The following BRAF variants were observed in gnomAD, a reference collection of about 807,000 sequenced individuals.
The protein encoded by BRAF is B-Raf proto-oncogene, serine/threonine kinase, also known as serine/threonine-protein kinase B-raf.
A neutral mutation model predicts 104.6 loss-of-function variants in BRAF; 16 were observed. That is an observed-to-expected ratio of 0.15 (90% CI 0.10 to 0.23). BRAF has a LOEUF of 0.23. BRAF is among the 10% of genes least tolerant of loss of function. BRAF has a pLI of 1.00. For missense variants in BRAF, 541 were observed against 937.3 expected (o/e 0.58, Z 5.52); for synonymous variants, 310 against 341.6 (o/e 0.91, Z 1.02).
chr7:140,814,766 A>T (rs1367058885), intron 3 of BRAF, among the ~76,000 whole-genome samples: 2 of 138,784 alleles, frequency 1.4e-5, no homozygotes, highest in Non-Finnish European at 3.0e-5. Context: ...CATATATATT[A>T]TATATAACAT....
intron 2 of BRAF, among the ~76,000 whole-genome samples, chr7:140,845,765 TCTC>T (rs1389532326): frequency 6.6e-6 from 1 of 152,032 alleles, no homozygotes; most frequent in African/African-American, 2.4e-5. Context: ...TGCAACCTCT[TCTC>T]CTGGATTCAA....
At position 140,734,630 on chromosome 7, in the gene BRAF, C is replaced by T. The variant is rs2130867802; in HGVS notation, c.2388G>A (p.Gln796=). 6 of 1,613,738 alleles carry T rather than the reference C, an allele frequency of 3.7e-6. No individual in the cohort carries two copies. The highest frequency in any genetic ancestry group is 1.1e-5 in the South Asian group (1 of 91,060). The change falls in exon 19 of 20, where the codon CAG becomes CAA. Residue 796 remains glutamine (Q), a synonymous_variant. Transcript: ENST00000644969. Reference sequence around the variant, plus strand: ...CAGGAAACGCACCATATCCCCCTGCCTGGATGGGTGTTTTTGGAGAAGCAC... The same window carrying T: ...CAGGAAACGCACCATATCCCCCTGCTTGGATGGGTGTTTTTGGAGAAGCAC... The part of the protein sequence containing the change: ...YACASPKTPI[Q]AGGYGEFAAF...
chr7:140,767,085 C>G (rs1799403926), intron 14 of BRAF, among the ~76,000 whole-genome samples: 2 of 152,078 alleles, frequency 1.3e-5, no homozygotes, highest in South Asian at 4.1e-4. Flanking sequence ...CTCTCTGCAG[C>G]CTCATCTTCC....
intron 17 of BRAF, among the ~76,000 whole-genome samples, chr7:140,743,481 C>T (rs1797097255): frequency 6.6e-6 from 1 of 152,028 alleles, no homozygotes; most frequent in Non-Finnish European, 1.5e-5. Context: ...GAACAAAAAA[C>T]CAAACACCGC....
In BRAF at chr7:140,719,552, A is replaced by G; in HGVS notation, c.*6942T>C. 1 of 1,050,732 alleles carries G rather than the reference A, an allele frequency of 9.5e-7. No individual in the cohort carries two copies. Among genetic ancestry groups the G allele is most frequent in the African/African-American group, 1.6e-5 (1 of 60,634 alleles). The allele number at this position is 1,050,732 out of a possible 1,614,324, so 65.1% of individuals were successfully genotyped here. The stretch of plus-strand genomic sequence containing the variant: ...CAAATTTACATGAGAAAAACTCCAA[A>G]GTACAAATGAAGGGACCTGAGCAGG... On this transcript the variant is annotated 3_prime_UTR_variant, in exon 20 of 20. Coordinates refer to ENST00000644969, the MANE Select transcript of BRAF (RefSeq NM_001374258.1).
chr7:140,731,718 G>GT (rs1795978123), intron 19 of BRAF: 1 of 152,200 alleles, frequency 6.6e-6, no homozygotes, highest in Non-Finnish European at 1.5e-5. Context: ...AATGGCTAGT[G>GT]TAATACCTGA....
At chr7:140,839,886 T>C (rs2129066169) in intron 2 of BRAF, among the ~76,000 whole-genome samples, 2 of 152,304 alleles carry the variant, frequency 1.3e-5, no homozygotes, top group East Asian at 3.9e-4. Flanking sequence ...GAGGTAATAG[T>C]TGATCTACAA....
chr7:140,724,955 AAAGAT>A lies in BRAF; in HGVS notation c.*1534_*1538del, dbSNP rs1391117118. The A allele has an allele frequency of 9.6e-7, 1 of 1,042,898 alleles. No homozygotes were observed. Among genetic ancestry groups the A allele is most frequent in the East Asian group, 5.7e-5 (1 of 17,404 alleles). 64.6% of individuals were successfully genotyped at this position (1,042,898 alleles called of 1,614,324 possible). On this transcript the variant is annotated 3_prime_UTR_variant, in exon 20 of 20. Transcript: ENST00000644969. ...ACTAGGTTATATTTTCCATTTGTGC[AAAGAT>A]AAGATTTAGGTTCTTAATGAATGCC...
intron 15 of BRAF, chr7:140,753,969 A>T: frequency 1.7e-6 from 1 of 587,070 alleles, no homozygotes; most frequent in South Asian, 2.0e-5. Flanking sequence ...TATTGTAAAG[A>T]CTTCTGATAG....
intron 19 of BRAF, chr7:140,732,338 G>GA (rs1409645144): frequency 6.6e-6 from 1 of 150,904 alleles, no homozygotes; most frequent in African/African-American, 2.4e-5. Flanking sequence ...CATATGGTTA[G>GA]AAAAAATAAT....
chr7:140,749,615 T>C (rs1215019380), intron 16 of BRAF, among the ~76,000 whole-genome samples, 197 bp from the exon 16 acceptor site: 1 of 152,202 alleles, frequency 6.6e-6, no homozygotes, highest in Non-Finnish European at 1.5e-5. Context: ...AGAGACAGTA[T>C]TAGCAGAGAT....
intron 14 of BRAF, among the ~76,000 whole-genome samples, chr7:140,770,301 G>A (rs948191411): frequency 2.0e-5 from 3 of 151,746 alleles, no homozygotes; most frequent in Non-Finnish European, 4.4e-5. Context: ...TCTTCAACTG[G>A]GTTCACTTAT....
chr7:140,853,716 C>T (rs1366659986), intron 1 of BRAF, among the ~76,000 whole-genome samples: 1 of 152,192 alleles, frequency 6.6e-6, no homozygotes, highest in African/African-American at 2.4e-5. Context: ...TTTAGAAAGG[C>T]TCTATCCCTC....
intron 8 of BRAF, among the ~76,000 whole-genome samples, chr7:140,788,813 T>A (rs1801650661): frequency 6.6e-6 from 1 of 151,848 alleles, no homozygotes; most frequent in South Asian, 2.1e-4. Context: ...GGTCTTGAAC[T>A]CCTGACCTCA....
At chr7:140,776,116 T>A (rs747417167) in intron 14 of BRAF, among the ~76,000 whole-genome samples, 8 of 152,174 alleles carry the variant, frequency 5.3e-5, no homozygotes, top group Admixed American at 2.0e-4. Context: ...AATTTCCTTA[T>A]CTGTAAAAAG....
chr7:140,766,971 G>A (rs1277033470), intron 14 of BRAF, among the ~76,000 whole-genome samples: 2 of 152,136 alleles, frequency 1.3e-5, no homozygotes, highest in African/African-American at 2.4e-5. Flanking sequence ...GGGATTACAG[G>A]TGTGAACCAC....
At chr7:140,778,144 G>A (rs71645979) in intron 12 of BRAF, 69 bp from the exon 12 acceptor site, 2 of 1,398,216 alleles carry the variant, frequency 1.4e-6, no homozygotes, top group South Asian at 2.4e-5. Flanking sequence ...ACATTCTTGG[G>A]TGTTTTCACT....
At chr7:140,923,540 C>T (rs1404284988) in intron 1 of BRAF, among the ~76,000 whole-genome samples, 1 of 152,044 alleles carries the variant, frequency 6.6e-6, no homozygotes, top group African/African-American at 2.4e-5. Flanking sequence ...GAGGACAACA[C>T]TAAGAAATCA....
intron 8 of BRAF, 89 bp from the exon 9 acceptor site, chr7:140,787,673 G>T (rs1197901612): frequency 7.3e-6 from 8 of 1,094,982 alleles, no homozygotes; most frequent in Middle Eastern, 2.0e-4. Context: ...AACGTTAAAA[G>T]AATTATTTTA....
Sources: gnomAD v4.1 joint callset for allele counts (sites outside exome capture counted in the v4.1 genomes callset) on GRCh38, gnomAD v4.1.1 for gene constraint, MANE v1.5 for transcripts, NCBI Gene and HGNC (gene_info 2026-07-23, HGNC 2026-07-21) for gene names.